TNIK: variants seen among roughly 807,000 people sequenced by gnomAD.
The protein encoded by TNIK is TRAF2 and NCK-interacting protein kinase.
A neutral mutation model predicts 191.3 loss-of-function variants in TNIK; 49 were observed. That is an observed-to-expected ratio of 0.26 (90% CI 0.20 to 0.32). TNIK has a LOEUF of 0.32. Ranked by LOEUF, TNIK falls within the 10% of genes least tolerant of loss-of-function variation. The pLI is 1.00. For synonymous variants in TNIK, 594 were observed against 600.9 expected, an observed-to-expected ratio of 0.99 and a Z score of 0.17; for missense variants, 1,155 against 1,702.3, an observed-to-expected ratio of 0.68 and a Z score of 5.66.
At chr3:171,167,362 T>C (rs564617900) in intron 9 of TNIK, 92 bp from the exon 10 acceptor site, 52 of 1,485,386 alleles carry the variant, frequency 3.5e-5, no homozygotes, top group Non-Finnish European at 4.4e-5. Context: ...TTTTTCTTTT[T>C]TTAAGGTCCA....
intron 10 of TNIK, among the ~76,000 whole-genome samples, chr3:171,166,630 TA>T (rs1435010571): frequency 6.6e-6 from 1 of 152,180 alleles, no homozygotes; most frequent in Non-Finnish European, 1.5e-5. Flanking sequence ...ACTGCAACTA[TA>T]AAAAAATTAT....
At chr3:171,295,921 C>CTAA (rs577542385) in intron 2 of TNIK, among the ~76,000 whole-genome samples, 302 of 152,300 alleles carry the variant, frequency 2.0e-3, no homozygotes, top group African/African-American at 6.7e-3. Flanking sequence ...CACAGAGGGC[C>CTAA]TAATGCAAGG....
At chr3:171,118,153 CAG>C (rs575953120) in intron 18 of TNIK, among the ~76,000 whole-genome samples, 5 of 152,196 alleles carry the variant, frequency 3.3e-5, no homozygotes, top group African/African-American at 1.2e-4. Context: ...CAATAACAGA[CAG>C]AGAGACAAAT....
chr3:171,137,449 G>A (rs1414992549), intron 15 of TNIK, among the ~76,000 whole-genome samples: 1 of 152,166 alleles, frequency 6.6e-6, no homozygotes, highest in African/African-American at 2.4e-5. Context: ...AAACCAGCGT[G>A]TTATGCACAT....
At chr3:171,407,159 G>A (rs931400239) in intron 1 of TNIK, among the ~76,000 whole-genome samples, 1 of 152,172 alleles carries the variant, frequency 6.6e-6, no homozygotes, top group East Asian at 1.9e-4. Context: ...AGGAAAAGTC[G>A]AAGGAGCTGA....
At chr3:171,202,882 T>C (rs1739591064) in intron 4 of TNIK, among the ~76,000 whole-genome samples, 1 of 152,154 alleles carries the variant, frequency 6.6e-6, no homozygotes, top group African/African-American at 2.4e-5. Flanking sequence ...CTTTTAAAAA[T>C]TTCTGCTCAC....
chr3:171,405,711 C>T (rs944429371), intron 1 of TNIK, among the ~76,000 whole-genome samples: 1 of 152,154 alleles, frequency 6.6e-6, no homozygotes, highest in African/African-American at 2.4e-5. Context: ...AAAATTTCTA[C>T]AGAGCATCCC....
chr3:171,172,972 A>C (rs1412341290), intron 9 of TNIK, among the ~76,000 whole-genome samples: 3 of 152,170 alleles, frequency 2.0e-5, no homozygotes, highest in Non-Finnish European at 4.4e-5. Context: ...CACACCGTTG[A>C]TCTTTTTTGG....
At chr3:171,342,702 C>T (rs1028740199) in intron 2 of TNIK, among the ~76,000 whole-genome samples, 2 of 152,064 alleles carry the variant, frequency 1.3e-5, no homozygotes, top group African/African-American at 4.8e-5. Flanking sequence ...ATAAATGGGG[C>T]AGAAAAGACA....
intron 10 of TNIK, among the ~76,000 whole-genome samples, chr3:171,166,833 C>G (rs1013514696): frequency 6.6e-6 from 1 of 152,076 alleles, no homozygotes; most frequent in African/African-American, 2.4e-5. Context: ...TATTAAAGTA[C>G]TTCATAGTAT....
intron 1 of TNIK, among the ~76,000 whole-genome samples, chr3:171,386,080 A>C (rs1718688490): frequency 6.6e-6 from 1 of 152,200 alleles, no homozygotes; most frequent in African/African-American, 2.4e-5. Context: ...CATTCATGTT[A>C]ATATCTTTAG....
At chr3:171,282,334 G>GTTTGTT (rs1750528341) in intron 2 of TNIK, among the ~76,000 whole-genome samples, 1 of 114,524 alleles carries the variant, frequency 8.7e-6, no homozygotes, top group Non-Finnish European at 1.8e-5. Flanking sequence ...TCTCTTAATG[G>GTTTGTT]TTTTTTGTTT....
At chr3:171,344,765 T>TC (rs1306520337) in intron 2 of TNIK, among the ~76,000 whole-genome samples, 1 of 152,030 alleles carries the variant, frequency 6.6e-6, no homozygotes, top group Non-Finnish European at 1.5e-5. Flanking sequence ...CTTGAAACGA[T>TC]CCCCATTTAA....
chr3:171,362,148 A>C (rs1715074937), intron 2 of TNIK, among the ~76,000 whole-genome samples: 1 of 152,178 alleles, frequency 6.6e-6, no homozygotes, highest in Non-Finnish European at 1.5e-5. Context: ...ACCCCACCAA[A>C]GTTCCACAGT....
At chr3:171,305,483 C>T (rs1193014868) in intron 2 of TNIK, among the ~76,000 whole-genome samples, 1 of 152,124 alleles carries the variant, frequency 6.6e-6, no homozygotes, top group African/African-American at 2.4e-5. Context: ...AGTCTAATAT[C>T]CAGAATCCAC....
chr3:171,452,129 C>T (rs1000356131), intron 1 of TNIK, among the ~76,000 whole-genome samples: 1 of 152,126 alleles, frequency 6.6e-6, no homozygotes, highest in Admixed American at 6.5e-5. Context: ...GAGTACCCAG[C>T]GGAAGTCACA....
At chr3:171,104,494 G>A (rs1250557574) in intron 21 of TNIK, among the ~76,000 whole-genome samples, 2 of 151,820 alleles carry the variant, frequency 1.3e-5, no homozygotes, top group African/African-American at 4.9e-5. Flanking sequence ...ATGGCAAGAT[G>A]GTAAGATTTT....
At chr3:171,400,595 T>TAAATAAATAAATAAATAAAG (rs1720812633) in intron 1 of TNIK, among the ~76,000 whole-genome samples, 2 of 151,816 alleles carry the variant, frequency 1.3e-5, no homozygotes, top group Non-Finnish European at 2.9e-5. Flanking sequence ...AATAAATAAA[T>TAAATAAATAAATAAATAAAG]AAAGTGCTAG....
At chr3:171,077,069 G>A (rs1467395248) in intron 28 of TNIK, among the ~76,000 whole-genome samples, 29 of 136,494 alleles carry the variant, frequency 2.1e-4, no homozygotes. Context: ...TTCCTTTCTT[G>A]TTCCCCCCCC....
Sources: allele counts gnomAD v4.1 joint callset (sites outside exome capture counted in the v4.1 genomes callset), GRCh38; gene constraint gnomAD v4.1.1; transcripts MANE v1.5; gene names NCBI Gene and HGNC (gene_info 2026-07-23, HGNC 2026-07-21).